Variants in STK39 observed in about 807,000 individuals in gnomAD.
The protein encoded by STK39 is serine/threonine kinase 39.
STK39 carries 20 observed loss-of-function variants against 77.8 expected under a neutral mutation model. The observed-to-expected ratio is 0.26, with a 90% confidence interval of 0.18 to 0.37. The LOEUF (loss-of-function observed/expected upper bound fraction) is 0.37. Ranked by LOEUF, STK39 falls within the 10% of genes least tolerant of loss-of-function variation. The pLI is 1.00. For synonymous variants in STK39, 246 were observed against 234.1 expected, an observed-to-expected ratio of 1.05 and a Z score of -0.47; for missense variants, 479 against 656.5, an observed-to-expected ratio of 0.73 and a Z score of 2.95.
At chr2:168,125,758 T>A (rs1050979260) in intron 10 of STK39, among the ~76,000 whole-genome samples, 2 of 152,206 alleles carry the variant, frequency 1.3e-5, no homozygotes, top group Non-Finnish European at 2.9e-5. Context: ...AAAGAGGCCA[T>A]GTCGATCTTT....
intron 1 of STK39, among the ~76,000 whole-genome samples, chr2:168,197,117 G>A (rs1349348622): frequency 1.3e-5 from 2 of 152,230 alleles, no homozygotes; most frequent in Non-Finnish European, 2.9e-5. Context: ...TGGTTAGGGT[G>A]TTGCTGTAGA....
At chr2:167,961,612 A>G (rs149975435) in intron 17 of STK39, among the ~76,000 whole-genome samples, 2,179 of 152,344 alleles carry the variant, frequency 0.014, 23 homozygotes, top group East Asian at 0.027. Context: ...CTCAAAGCAC[A>G]TAATAGTTGA....
chr2:168,217,530 GA>G (rs1006090296), intron 1 of STK39, among the ~76,000 whole-genome samples: 3 of 152,062 alleles, frequency 2.0e-5, no homozygotes, highest in African/African-American at 7.2e-5. Context: ...TCCCACAAAA[GA>G]AAAAAGATAT....
rs374248059 is a variant in STK39 at position 168,161,891 on chromosome 2, G to A, written c.573-49C>T. The A allele has an allele frequency of 1.3e-5, 18 of 1,392,386 alleles. No homozygotes were observed. In the African/African-American group the frequency reaches 2.5e-4, roughly 19 times the overall value. The allele number at this position is 1,392,386 out of a possible 1,614,324, so 86.3% of individuals were successfully genotyped here. A position where few individuals can be genotyped will look rare whatever the true frequency, so the allele number is the denominator to read the frequency against. Reference sequence around the variant, plus strand: ...TAAATTGTAGGGTACAGACTTTATAGTGTATTGATTCACTCAGGAAGATTT... The same window carrying A: ...TAAATTGTAGGGTACAGACTTTATAATGTATTGATTCACTCAGGAAGATTT... On this transcript the variant is annotated intron_variant, in intron 4 of 17. Transcript: ENST00000355999.
intron 10 of STK39, among the ~76,000 whole-genome samples, chr2:168,110,327 G>A (rs191597308): frequency 6.6e-6 from 1 of 152,144 alleles, no homozygotes; most frequent in Non-Finnish European, 1.5e-5. Flanking sequence ...AAAACTCCTG[G>A]ACTCAAGCAA....
At chr2:168,013,920 G>T (rs983920266) in intron 15 of STK39, among the ~76,000 whole-genome samples, 8 of 151,950 alleles carry the variant, frequency 5.3e-5, no homozygotes, top group Non-Finnish European at 8.8e-5. Flanking sequence ...TAAAGAGCTT[G>T]CCCAGTGTCT....
chr2:168,140,091 C>G (rs1687942209), intron 7 of STK39, among the ~76,000 whole-genome samples, 198 bp downstream of exon 7: 1 of 152,188 alleles, frequency 6.6e-6, no homozygotes, highest in African/African-American at 2.4e-5. Flanking sequence ...GACTATAAAG[C>G]AAGCTTCAAA....
At chr2:168,221,974 A>G (rs1215466810) in intron 1 of STK39, among the ~76,000 whole-genome samples, 2 of 152,138 alleles carry the variant, frequency 1.3e-5, no homozygotes, top group Non-Finnish European at 2.9e-5. Flanking sequence ...GTATGGTTCC[A>G]CTTTCTCTAA....
intron 16 of STK39, among the ~76,000 whole-genome samples, chr2:167,974,371 T>C (rs1683214969): frequency 6.6e-6 from 1 of 152,154 alleles, no homozygotes; most frequent in Non-Finnish European, 1.5e-5. Context: ...CAAAACGGTC[T>C]TTTCTGACCT....
At chr2:167,964,505 A>G in intron 17 of STK39, 157 bp downstream of exon 17, 1 of 651,272 alleles carries the variant, frequency 1.5e-6, no homozygotes, top group East Asian at 2.9e-5. Flanking sequence ...AACGTTCCCT[A>G]ACGCTGCAGA....
At chr2:168,123,275 G>A (rs750517852) in intron 10 of STK39, among the ~76,000 whole-genome samples, 17 of 152,222 alleles carry the variant, frequency 1.1e-4, no homozygotes, top group Admixed American at 2.0e-4. Flanking sequence ...ACTGAATCCT[G>A]GACCAGATAC....
intron 8 of STK39, among the ~76,000 whole-genome samples, chr2:168,133,310 C>T (rs1471572396): frequency 6.6e-6 from 1 of 152,236 alleles, no homozygotes; most frequent in African/African-American, 2.4e-5. Context: ...CTCCACTCCA[C>T]TCTCAGCCTT....
chr2:168,012,641 T>C lies in STK39; in HGVS notation c.1491A>G (p.Val497=), dbSNP rs113138719. ...FSAGLVDGHD[V]VIVAANLQKI... The stretch of plus-strand genomic sequence containing the variant: ...TACTAAAAAACAATTTACCTATAAC[T>C]ACATCGTGACCATCCACCAAGCCAG... Residue 497 remains valine (V), a synonymous_variant, in exon 16 of 18, where the codon GTA becomes GTG. Coordinates refer to ENST00000355999, the MANE Select transcript of STK39 (RefSeq NM_013233.3). 293 of 1,613,590 alleles carry C rather than the reference T, an allele frequency of 1.8e-4. 1 individual carries two copies. In the African/African-American group the frequency reaches 3.1e-3, roughly 17 times the overall value.
chr2:168,181,597 T>C (rs1312829510), intron 2 of STK39, among the ~76,000 whole-genome samples: 2 of 152,112 alleles, frequency 1.3e-5, no homozygotes, highest in Admixed American at 6.5e-5. Flanking sequence ...GGGGACAACT[T>C]CCATTTGTGT....
chr2:167,974,601 G>C (rs1683222539), intron 16 of STK39, among the ~76,000 whole-genome samples: 1 of 152,036 alleles, frequency 6.6e-6, no homozygotes, highest in East Asian at 1.9e-4. Flanking sequence ...TCGTAATTAT[G>C]GTTATTATGT....
In STK39 at chr2:168,003,567, C is replaced by A. The variant is rs544348296; in HGVS notation, c.1498+9067G>T. On this transcript the variant is annotated intron_variant, in intron 16 of 17. Coordinates refer to ENST00000355999, the MANE Select transcript of STK39 (RefSeq NM_013233.3). Reference sequence around the variant, plus strand: ...GCAGTGCCTTTTTGAAAACAGAAACCCTACGTCATATCTAACAGGTCAACA... The same window carrying A: ...GCAGTGCCTTTTTGAAAACAGAAACACTACGTCATATCTAACAGGTCAACA... 1.2e-4 allele frequency among the ~76,000 whole-genome samples: 19 copies of A among 152,116 alleles called. No homozygotes were observed. The East Asian group carries it at 3.7e-3, about 29-fold the overall frequency.
At chr2:168,123,907 A>G (rs1448772983) in intron 10 of STK39, among the ~76,000 whole-genome samples, 1 of 151,144 alleles carries the variant, frequency 6.6e-6, no homozygotes, top group African/African-American at 2.4e-5. Context: ...AACAAACAGG[A>G]CAAGTTCTCA....
intron 1 of STK39, among the ~76,000 whole-genome samples, chr2:168,214,504 CTG>C (rs1164860458): frequency 6.6e-6 from 1 of 152,008 alleles, no homozygotes. Context: ...TGGAAAGTAA[CTG>C]TTTCATGGTA....
intron 17 of STK39, among the ~76,000 whole-genome samples, chr2:167,959,290 T>TC (rs1469067473): frequency 6.6e-6 from 1 of 151,772 alleles, no homozygotes; most frequent in Non-Finnish European, 1.5e-5. Flanking sequence ...AGGTAATTTT[T>TC]TTTTTTTTGT....
Sources: allele counts gnomAD v4.1 joint callset (sites outside exome capture counted in the v4.1 genomes callset), GRCh38; gene constraint gnomAD v4.1.1; transcripts MANE v1.5; gene names NCBI Gene and HGNC (gene_info 2026-07-23, HGNC 2026-07-21).